ADAM7: variants seen among roughly 807,000 people sequenced by gnomAD.
The protein encoded by ADAM7 is ADAM metallopeptidase domain 7.
In ADAM7, 97 loss-of-function variants were observed where a neutral mutation model predicts 102.9. The ratio of observed to expected loss-of-function variants is 0.94; its 90% CI spans 0.80 to 1.12. The LOEUF (loss-of-function observed/expected upper bound fraction) is 1.12. ADAM7 is among the 50% of genes most tolerant of loss of function. The pLI, the probability that ADAM7 is intolerant of heterozygous loss-of-function variation, is 0.00. For synonymous variants in ADAM7, 334 were observed against 304.4 expected (o/e 1.10, Z -1.01); for missense variants, 991 against 908.7 (o/e 1.09, Z -1.16).
intron 8 of ADAM7, among the ~76,000 whole-genome samples, chr8:24,476,763 A>G (rs1819781097): frequency 6.6e-6 from 1 of 152,198 alleles, no homozygotes; most frequent in Non-Finnish European, 1.5e-5. Context: ...GAACCAATGT[A>G]CAAAGAATAT....
rs774896797 is a variant in ADAM7, at chr8:24,493,140, G to A, written c.1753G>A (p.Ala585Thr). 5.6e-6 allele frequency: 9 copies of A among 1,613,304 alleles called. No individual in the cohort carries two copies. The highest frequency in any genetic ancestry group is 8.5e-7 in the Non-Finnish European group (1 of 1,179,646). The change falls in exon 16 of 22, where the codon GCT (alanine) becomes ACT (threonine). Residue 585 changes from alanine to threonine, a missense_variant. Coordinates refer to ENST00000175238, the MANE Select transcript of ADAM7 (RefSeq NM_003817.4). ...TYHLKDPQKN[A>T]TVKCKTIFLY... Reference sequence around the variant, plus strand: ...TCACCTTAAGGATCCCCAGAAGAATGCTACTGTCAAATGCAAAACTATTTT... The same window carrying A: ...TCACCTTAAGGATCCCCAGAAGAATACTACTGTCAAATGCAAAACTATTTT...
intron 6 of ADAM7, 38 bp from the exon 7 acceptor site, chr8:24,468,729 T>A: frequency 1.3e-6 from 2 of 1,582,180 alleles, no homozygotes; most frequent in Non-Finnish European, 1.7e-6. Flanking sequence ...ATAGAAAGTG[T>A]TAACTATACT....
chr8:24,457,622 TC>T (rs1379533759), intron 3 of ADAM7, among the ~76,000 whole-genome samples: 1 of 152,206 alleles, frequency 6.6e-6, no homozygotes, highest in African/African-American at 2.4e-5. Flanking sequence ...TTTGTTCCTG[TC>T]TGTGACCTTT....
intron 8 of ADAM7, 32 bp from the exon 9 acceptor site, chr8:24,482,110 A>G (rs1162839772): frequency 2.0e-6 from 3 of 1,506,444 alleles, no homozygotes; most frequent in South Asian, 2.6e-5. Context: ...CAGCAACTTG[A>G]CTTTGTGAAA....
intron 16 of ADAM7, among the ~76,000 whole-genome samples, chr8:24,497,089 G>T (rs1331957261): frequency 1.3e-5 from 2 of 152,136 alleles, no homozygotes; most frequent in South Asian, 4.1e-4. Flanking sequence ...CTGATACTGA[G>T]TAAGTCTCAT....
At position 24,507,535 on chromosome 8, in the gene ADAM7, G is replaced by A; in HGVS notation, c.2264G>A (p.Ter755=). ...GIADPNQSAK[*] ...GCAGATCCCAATCAAAGTGCCAAGT[G>A]GTAGGTTACCCTGACAGATAGTACC... The change falls in exon 21 of 22, where the codon TGA becomes TAA. Residue 755 remains the stop codon, a splice_region_variant and stop_retained_variant. Transcript: ENST00000175238. The A allele has an allele frequency of 6.2e-7, 1 of 1,610,378 alleles. No individual in the cohort carries two copies. Among genetic ancestry groups the A allele is most frequent in the Non-Finnish European group, 8.5e-7 (1 of 1,176,760 alleles).
At chr8:24,464,198 G>T (rs1447822523) in intron 4 of ADAM7, among the ~76,000 whole-genome samples, 2 of 152,070 alleles carry the variant, frequency 1.3e-5, no homozygotes, top group Non-Finnish European at 2.9e-5. Context: ...TTCCTAAACT[G>T]ATTTCTGTAC....
intron 3 of ADAM7, among the ~76,000 whole-genome samples, chr8:24,459,622 G>A (rs80140368): frequency 0.023 from 3,435 of 151,908 alleles, 57 homozygotes; most frequent in Non-Finnish European, 0.037. Flanking sequence ...TGCCTGGCTA[G>A]TTTTTTAAAA....
intron 18 of ADAM7, among the ~76,000 whole-genome samples, chr8:24,500,563 T>C (rs1467221835): frequency 6.6e-6 from 1 of 152,156 alleles, no homozygotes; most frequent in Non-Finnish European, 1.5e-5. Context: ...ATGATTGTGG[T>C]TCCCTTAAAT....
intron 17 of ADAM7, 146 bp from the exon 18 acceptor site, chr8:24,500,032 G>GT: frequency 1.9e-6 from 1 of 533,340 alleles, no homozygotes; most frequent in Non-Finnish European, 3.2e-6. Flanking sequence ...CATTGATTTT[G>GT]TTACACAGTT....
chr8:24,506,159 A>G, intron 20 of ADAM7: 1 of 1,548,246 alleles, frequency 6.5e-7, no homozygotes, highest in Non-Finnish European at 8.7e-7. Context: ...TCACACTGGT[A>G]CGTTCCCCTC....
At chr8:24,476,924 T>A (rs1218426801) in intron 8 of ADAM7, among the ~76,000 whole-genome samples, 2 of 152,252 alleles carry the variant, frequency 1.3e-5, no homozygotes, top group African/African-American at 4.8e-5. Context: ...AAATGCTTAA[T>A]TTGTCTAAAT....
chr8:24,483,642 A>G (rs951557029), intron 9 of ADAM7, among the ~76,000 whole-genome samples: 4 of 152,216 alleles, frequency 2.6e-5, no homozygotes, highest in Non-Finnish European at 5.9e-5. Flanking sequence ...CATAGCATAT[A>G]TCGCCAGAGG....
intron 6 of ADAM7, among the ~76,000 whole-genome samples, chr8:24,468,070 G>A (rs936551229): frequency 1.3e-5 from 2 of 151,474 alleles, no homozygotes; most frequent in Non-Finnish European, 2.9e-5. Context: ...TGTCTCAAAA[G>A]AAAAATAAAT....
chr8:24,500,840 G>C lies in ADAM7; in HGVS notation c.2053G>C (p.Val685Leu). The C allele has an allele frequency of 6.2e-7, 1 of 1,613,350 alleles. No homozygotes were observed. The change falls in exon 19 of 22, where the codon GTT becomes CTT. Residue 685 changes from valine to leucine, a missense_variant. By Grantham distance (32) the Val-to-Leu change is conservative. Transcript: ENST00000175238. Reference sequence around the variant, plus strand: ...TGTCCTGGTTATTGTCGGTATCGGAGTTCTTATACTATTAGTTCGTTACCG... The same window carrying C: ...TGTCCTGGTTATTGTCGGTATCGGACTTCTTATACTATTAGTTCGTTACCG... ...VLVLVIVGIG[V>L]LILLVRYRKC...
chr8:24,468,929 A>T (rs996514155), intron 7 of ADAM7, 109 bp downstream of exon 7: 1 of 1,054,698 alleles, frequency 9.5e-7, no homozygotes, highest in African/African-American at 1.6e-5. Context: ...TTCTAGGCTC[A>T]AAGTCCTATT....
chr8:24,491,067 G>A (rs1236489782), intron 13 of ADAM7, among the ~76,000 whole-genome samples, 179 bp downstream of exon 13: 1 of 152,176 alleles, frequency 6.6e-6, no homozygotes, highest in Non-Finnish European at 1.5e-5. Flanking sequence ...GCTGTGCTAT[G>A]GCCTGGGGTA....
chr8:24,441,198 G>A (rs1818361923), intron 1 of ADAM7, 38 bp downstream of exon 1: 1 of 1,568,846 alleles, frequency 6.4e-7, no homozygotes, highest in East Asian at 2.2e-5. Context: ...TTCTTATTAT[G>A]CTGTGAGGTT....
intron 9 of ADAM7, among the ~76,000 whole-genome samples, chr8:24,483,248 A>G (rs1339804894): frequency 6.6e-6 from 1 of 152,166 alleles, no homozygotes; most frequent in Non-Finnish European, 1.5e-5. Context: ...GAGGAAAAGG[A>G]TAAGTAATTA....
Sources: allele counts gnomAD v4.1 joint callset (sites outside exome capture counted in the v4.1 genomes callset), GRCh38; gene constraint gnomAD v4.1.1; transcripts MANE v1.5; gene names NCBI Gene and HGNC (gene_info 2026-07-23, HGNC 2026-07-21).